Variants in SLC8A2 observed in about 807,000 individuals in gnomAD.
SLC8A2 encodes the protein solute carrier family 8 member A2, also known as sodium/calcium exchanger 2.
SLC8A2 carries 14 observed loss-of-function variants against 70.2 expected under a neutral mutation model. The ratio of observed to expected loss-of-function variants is 0.20; its 90% CI spans 0.13 to 0.31. The LOEUF (loss-of-function observed/expected upper bound fraction) is 0.31, where lower values mean the gene tolerates loss of function less well. Ranked by LOEUF, SLC8A2 falls within the 10% of genes least tolerant of loss-of-function variation. The pLI is 1.00. For missense variants in SLC8A2, 779 were observed against 1,320.1 expected (o/e 0.59, Z 6.35); for synonymous variants, 575 against 594.3 (o/e 0.97, Z 0.47).
chr19:47,466,391 C>G lies in SLC8A2; in HGVS notation c.13G>C (p.Ala5Pro). MAPL[A>P]LVGVTLLLAA... ...AGGAGGAGTGTGACCCCCACCAAGG[C>G]CAGGGGAGCCATGGGGGGTGGTGGG... Residue 5 changes from alanine (A) to proline (P), a missense_variant, in exon 2 of 10, where the codon GCC becomes CCC. Physicochemically the swap from Ala to Pro is conservative, Grantham distance 27 (BLOSUM62 -1). Transcript: ENST00000236877. This position sits in a 1 kb window ranked among gnomAD's most constrained non-coding sequence, Gnocchi z 6.9. 7.0e-7 allele frequency: 1 copy of G among 1,421,520 alleles called. No individual in the cohort carries two copies. The highest frequency in any genetic ancestry group is 9.2e-7 in the Non-Finnish European group (1 of 1,085,802). The allele number at this position is 1,421,520 out of a possible 1,614,324, so 88.1% of individuals were successfully genotyped here. A position where few individuals can be genotyped will look rare whatever the true frequency, so the allele number is the denominator to read the frequency against.
chr19:47,447,894 G>T lies in SLC8A2; in HGVS notation c.1678C>A (p.Arg560Ser), dbSNP rs778473809. The T allele has an allele frequency of 1.9e-6, 3 of 1,588,500 alleles. No individual in the cohort carries two copies. The highest frequency in any genetic ancestry group is 2.6e-6 in the Non-Finnish European group (3 of 1,169,988). ...CCGCGCGCCGTGCCGTCCACCGTGC[G>T]GTAGGGAAGGCGCACGGTGCCGCGC... Reference protein sequence around the residue: ...GARGTVRLPYRTVDGTARGGG... With the variant: ...GARGTVRLPYSTVDGTARGGG... The change falls in exon 4 of 10, where the codon CGC becomes AGC. Residue 560 changes from arginine (R) to serine (S), a missense_variant. By Grantham distance (110) the Arg-to-Ser change is moderately radical. This residue lies in a region of SLC8A2 where 247 missense variants were observed against 362.8 expected (regional missense o/e 0.68). Transcript: ENST00000236877. This position sits in a 1 kb window ranked among gnomAD's most constrained non-coding sequence, Gnocchi z 5.1.
chr19:47,448,123 C>T lies in SLC8A2; in HGVS notation c.1449G>A (p.Leu483=). Residue 483 remains leucine, a synonymous_variant, in exon 4 of 10, where the codon CTG becomes CTA. Transcript: ENST00000236877. This position sits in a 1 kb window ranked among gnomAD's most constrained non-coding sequence, Gnocchi z 4.8. Reference sequence around the variant, plus strand: ...CCTGCGCGTCGCCCACGCGCAGGTTCAGCAGCCGCACGAAGAAATGCTCGT... The same window carrying T: ...CCTGCGCGTCGCCCACGCGCAGGTTTAGCAGCCGCACGAAGAAATGCTCGT... ...EEDEHFFVRL[L]NLRVGDAQGM... is the part of the protein sequence containing the mutation. 1 of 1,612,148 alleles carries T rather than the reference C, an allele frequency of 6.2e-7. No individual in the cohort carries two copies. Among genetic ancestry groups the T allele is most frequent in the Non-Finnish European group, 8.5e-7 (1 of 1,179,492 alleles).
chr19:47,437,677 A>AC (rs1350753649), intron 7 of SLC8A2, 116 bp from the exon 8 acceptor site: 18 of 1,141,240 alleles, frequency 1.6e-5, no homozygotes, highest in Non-Finnish European at 2.2e-5. Context: ...AACTTTCCAC[A>AC]CCCCCGTTCT....
chr19:47,433,443 A>C (rs1385485255), intron 8 of SLC8A2, among the ~76,000 whole-genome samples: 2 of 152,166 alleles, frequency 1.3e-5, no homozygotes, highest in Non-Finnish European at 2.9e-5. Flanking sequence ...TCCCTGGCTA[A>C]ATACTTGTTT....
chr19:47,435,491 G>A (rs905589426), intron 8 of SLC8A2, among the ~76,000 whole-genome samples: 8 of 150,394 alleles, frequency 5.3e-5, no homozygotes, highest in Non-Finnish European at 1.0e-4. Flanking sequence ...CCCGTTGTTC[G>A]TGGAATGAAC....
intron 8 of SLC8A2, among the ~76,000 whole-genome samples, chr19:47,436,568 C>A (rs528959866): frequency 6.6e-6 from 1 of 152,302 alleles, no homozygotes; most frequent in Admixed American, 6.5e-5. Flanking sequence ...CGCCCAGTTT[C>A]TTTGCAACCA....
Position 47,465,682 on chromosome 19 carries a change from T to C in SLC8A2, c.675+47A>G. ...CAAGCCAAGAGCACCTCTCTGGATT[T>C]TGCAGACACACATGCACCAAGAAAG... is the stretch of plus-strand genomic sequence containing the variant. On this transcript the variant is annotated intron_variant, in intron 2 of 9. Coordinates refer to ENST00000236877, the MANE Select transcript of SLC8A2 (RefSeq NM_015063.3). The surrounding 1 kb of genome is among the most constrained non-coding windows in gnomAD (Gnocchi z 5.5). The C allele has an allele frequency of 6.8e-7, 1 of 1,479,340 alleles. No individual in the cohort carries two copies. The highest frequency in any genetic ancestry group is 9.2e-7 in the Non-Finnish European group (1 of 1,089,524). The allele number at this position is 1,479,340 out of a possible 1,614,324, so 91.6% of individuals were successfully genotyped here. A position where few individuals can be genotyped will look rare whatever the true frequency, so the allele number is the denominator to read the frequency against.
At chr19:47,437,378 C>G in intron 8 of SLC8A2, 84 bp downstream of exon 8, 1 of 1,015,258 alleles carries the variant, frequency 9.8e-7, no homozygotes, top group South Asian at 1.3e-5. Context: ...ATCTTTGTGC[C>G]TGTCTCTCCA....
chr19:47,464,576 C>G (rs1967435105), intron 2 of SLC8A2, among the ~76,000 whole-genome samples: 1 of 152,200 alleles, frequency 6.6e-6, no homozygotes, highest in African/African-American at 2.4e-5. Context: ...ACTGTCCTCC[C>G]CTTTCCTCAC....
At position 47,457,551 on chromosome 19, in the gene SLC8A2, A is replaced by G; in HGVS notation, c.719T>C (p.Val240Ala). Reference protein sequence around the residue: ...LLTLVFFPVCVVFAWMADKRL... With the variant: ...LLTLVFFPVCAVFAWMADKRL... ...CTTGTCGGCCATCCAGGCGAATACC[A>G]CGCACACCGGGAAGAAGACCAGGGT... is the stretch of plus-strand genomic sequence containing the variant. The change falls in exon 3 of 10, where the codon GTG becomes GCG. Residue 240 changes from valine (V) to alanine (A), a missense_variant. This residue lies in a region of SLC8A2 where 155 missense variants were observed against 318.6 expected (regional missense o/e 0.49). Coordinates refer to ENST00000236877, the MANE Select transcript of SLC8A2 (RefSeq NM_015063.3). 6.3e-7 allele frequency: 1 copy of G among 1,593,968 alleles called. No individual in the cohort carries two copies. The highest frequency in any genetic ancestry group is 8.5e-7 in the Non-Finnish European group (1 of 1,170,890).
At chr19:47,440,157 A>G (rs1967083863) in intron 6 of SLC8A2, among the ~76,000 whole-genome samples, 1 of 152,066 alleles carries the variant, frequency 6.6e-6, no homozygotes, top group African/African-American at 2.4e-5. Context: ...CTCTTACTCC[A>G]ATCTCTGACC....
chr19:47,444,489 C>T (rs1170683591), intron 4 of SLC8A2, among the ~76,000 whole-genome samples: 1 of 152,204 alleles, frequency 6.6e-6, no homozygotes, highest in East Asian at 1.9e-4. Context: ...GGGCTGTGAG[C>T]TGTCCGCGGT....
At chr19:47,435,476 A>G (rs919425568) in intron 8 of SLC8A2, among the ~76,000 whole-genome samples, 1 of 149,814 alleles carries the variant, frequency 6.7e-6, no homozygotes. Flanking sequence ...GCCCCTTGCC[A>G]TCTCCCCGTT....
At chr19:47,452,960 G>A (rs918995720) in intron 3 of SLC8A2, among the ~76,000 whole-genome samples, 2 of 152,124 alleles carry the variant, frequency 1.3e-5, no homozygotes, top group Non-Finnish European at 2.9e-5. Flanking sequence ...TTGAACGCGG[G>A]AGGCAGAGGT....
rs778551879 is a variant in SLC8A2, at chr19:47,466,188, T to C, written c.216A>G (p.Ala72=). 6.2e-7 allele frequency: 1 copy of C among 1,613,614 alleles called. No individual in the cohort carries two copies. Among genetic ancestry groups the C allele is most frequent in the Non-Finnish European group, 8.5e-7 (1 of 1,179,578 alleles). Residue 72 remains alanine, a synonymous_variant, in exon 2 of 10, where the codon GCA becomes GCG. Transcript: ENST00000236877. The surrounding 1 kb of genome is among the most constrained non-coding windows in gnomAD (Gnocchi z 6.9). ...AGACCATGGCCACAAAGTACACCAC[T>C]GCCCGTGCCGCCTTGTCACCCAGCG... ...DPSLGDKAAR[A]VVYFVAMVYM...
chr19:47,463,669 G>A (rs1366153936), intron 2 of SLC8A2, among the ~76,000 whole-genome samples: 5 of 142,932 alleles, frequency 3.5e-5, no homozygotes, highest in African/African-American at 1.3e-4. Flanking sequence ...GACAGAGAAA[G>A]ACTCTGTCTC....
At position 47,447,188 on chromosome 19, in the gene SLC8A2, A is replaced by G. The variant is rs1433496282; in HGVS notation, c.1763+621T>C. 7.1e-6 allele frequency among the ~76,000 whole-genome samples: 1 copy of G among 140,444 alleles called. No individual in the cohort carries two copies. Among genetic ancestry groups the G allele is most frequent in the Admixed American group, 7.2e-5 (1 of 13,918 alleles). The allele number at this position is 140,444 out of a possible 152,430, so 92.1% of individuals were successfully genotyped here. Reference sequence around the variant, plus strand: ...TAGGCCCCGCCTTCTTCCGCAGCCCACATCCATTTTCCCATTTCCTGATGT... The same window carrying G: ...TAGGCCCCGCCTTCTTCCGCAGCCCGCATCCATTTTCCCATTTCCTGATGT... On this transcript the variant is annotated intron_variant, in intron 4 of 9. Transcript: ENST00000236877. The surrounding 1 kb of genome is among the most constrained non-coding windows in gnomAD (Gnocchi z 5.1).
intron 3 of SLC8A2, among the ~76,000 whole-genome samples, chr19:47,455,192 G>T (rs1967290406): frequency 6.6e-6 from 1 of 152,248 alleles, no homozygotes; most frequent in African/African-American, 2.4e-5. Flanking sequence ...TGAGTCCCAG[G>T]AAGAGAAGGG....
chr19:47,456,613 C>T (rs1032951221), intron 3 of SLC8A2, among the ~76,000 whole-genome samples: 3 of 152,166 alleles, frequency 2.0e-5, no homozygotes, highest in African/African-American at 2.4e-5. Flanking sequence ...TTGCAGTGAG[C>T]GGAGATCTTG....
Sources: gnomAD v4.1 joint callset for allele counts (sites outside exome capture counted in the v4.1 genomes callset) on GRCh38, gnomAD v4.1.1 for gene constraint, gnomAD v4.1.1 regional missense constraint, Gnocchi (gnomAD v3.1) non-coding constraint, MANE v1.5 for transcripts, NCBI Gene and HGNC (gene_info 2026-07-23, HGNC 2026-07-21) for gene names.